RPS6KC1: variants seen among roughly 807,000 people sequenced by gnomAD.
The protein encoded by RPS6KC1 is ribosomal protein S6 kinase C1, also known as inactive ribosomal protein S6 kinase delta-1.
In RPS6KC1, 54 loss-of-function variants were observed where a neutral mutation model predicts 103.8. The observed-to-expected ratio is 0.52, with a 90% CI of 0.42 to 0.65. The LOEUF is 0.65. Among genes scored for constraint, RPS6KC1 ranks in the 30% least tolerant of loss-of-function variants. The pLI is 0.00. For synonymous variants in RPS6KC1, 439 were observed against 438.7 expected, an observed-to-expected ratio of 1.00 and a Z score of -0.01; for missense variants, 1,151 against 1,253.8, an observed-to-expected ratio of 0.92 and a Z score of 1.24.
At chr1:213,411,964 A>G in the RPS6KC1 span, among the ~76,000 whole-genome samples, 319 of 152,312 alleles carry the variant, frequency 2.1e-3, 2 homozygotes, top group Middle Eastern at 6.8e-3. Flanking sequence ...AGCACAGTGT[A>G]TCATATTGGC....
the RPS6KC1 span, among the ~76,000 whole-genome samples, chr1:213,847,361 T>C: frequency 6.6e-6 from 1 of 152,164 alleles, no homozygotes; most frequent in Non-Finnish European, 1.5e-5. Flanking sequence ...TTGTTGGAGA[T>C]AGATCTGTAC....
At chr1:213,367,777 G>T in the RPS6KC1 span, among the ~76,000 whole-genome samples, 2 of 151,714 alleles carry the variant, frequency 1.3e-5, no homozygotes, top group Non-Finnish European at 3.0e-5. Flanking sequence ...GACTCTCTAA[G>T]ATCTTGATTG....
the RPS6KC1 span, among the ~76,000 whole-genome samples, chr1:213,557,413 G>A: frequency 5.2e-4 from 79 of 152,298 alleles, no homozygotes; most frequent in African/African-American, 1.9e-3. Context: ...TGTGTGGACT[G>A]GAGCATCTGC....
chr1:213,461,493 C>T, the RPS6KC1 span, among the ~76,000 whole-genome samples: 1 of 152,132 alleles, frequency 6.6e-6, no homozygotes, highest in African/African-American at 2.4e-5. Flanking sequence ...GCAAAAAGAC[C>T]AAAGCTGGAG....
chr1:213,515,108 C>T, the RPS6KC1 span, among the ~76,000 whole-genome samples: 2 of 150,776 alleles, frequency 1.3e-5, no homozygotes, highest in Non-Finnish European at 2.9e-5. Flanking sequence ...TGTTTGAGTT[C>T]ATTGTAGATT....
chr1:213,699,572 C>T, the RPS6KC1 span, among the ~76,000 whole-genome samples: 4 of 152,036 alleles, frequency 2.6e-5, no homozygotes, highest in Non-Finnish European at 5.9e-5. Flanking sequence ...GGGTATATAC[C>T]CAGCAGTGGG....
chr1:213,507,993 C>A, the RPS6KC1 span, among the ~76,000 whole-genome samples: 55 of 152,312 alleles, frequency 3.6e-4, no homozygotes, highest in African/African-American at 1.3e-3. Context: ...CTGTCAATTG[C>A]TGAAACAATG....
chr1:213,504,553 C>A, the RPS6KC1 span, among the ~76,000 whole-genome samples: 1 of 152,296 alleles, frequency 6.6e-6, no homozygotes, highest in East Asian at 1.9e-4. Flanking sequence ...TTTGCTGGAG[C>A]ACATCCTCAA....
At chr1:213,177,281 C>T (rs986169440) in intron 8 of RPS6KC1, among the ~76,000 whole-genome samples, 8 of 152,108 alleles carry the variant, frequency 5.3e-5, no homozygotes, top group African/African-American at 1.7e-4. Context: ...ATTTGCTCAA[C>T]CACCGCTTTA....
chr1:213,289,776 A>G, the RPS6KC1 span, among the ~76,000 whole-genome samples: 1 of 152,204 alleles, frequency 6.6e-6, no homozygotes, highest in Admixed American at 6.5e-5. Context: ...GCAGTGGCTC[A>G]TGCCTGTAAT....
At chr1:213,639,361 G>A in the RPS6KC1 span, among the ~76,000 whole-genome samples, 19 of 152,008 alleles carry the variant, frequency 1.2e-4, no homozygotes, top group Non-Finnish European at 2.4e-4. Flanking sequence ...CACTGGATAA[G>A]ACTTCCAGTA....
chr1:213,400,633 G>A, the RPS6KC1 span, among the ~76,000 whole-genome samples: 1 of 152,012 alleles, frequency 6.6e-6, no homozygotes, highest in African/African-American at 2.4e-5. Context: ...GAACCCAGGT[G>A]TCCTGACACC....
the RPS6KC1 span, among the ~76,000 whole-genome samples, chr1:213,787,095 A>G: frequency 6.6e-6 from 1 of 152,144 alleles, no homozygotes; most frequent in Non-Finnish European, 1.5e-5. Flanking sequence ...CTAACCTTAT[A>G]ACTTTCATCA....
the RPS6KC1 span, among the ~76,000 whole-genome samples, chr1:213,675,929 C>T: frequency 6.6e-6 from 1 of 152,134 alleles, no homozygotes; most frequent in African/African-American, 2.4e-5. Context: ...TTCTCTAAGG[C>T]CTTTCACTGA....
the RPS6KC1 span, among the ~76,000 whole-genome samples, chr1:213,858,232 T>C: frequency 2.0e-5 from 3 of 152,208 alleles, no homozygotes; most frequent in Non-Finnish European, 4.4e-5. Flanking sequence ...TCCATTGTCA[T>C]AACAACTGTA....
chr1:213,793,471 A>G, the RPS6KC1 span, among the ~76,000 whole-genome samples: 2 of 152,198 alleles, frequency 1.3e-5, no homozygotes, highest in Non-Finnish European at 2.9e-5. Context: ...TAATGAAGCA[A>G]GCCAAGAATA....
chr1:213,641,830 A>C, the RPS6KC1 span, among the ~76,000 whole-genome samples: 1 of 114,574 alleles, frequency 8.7e-6, no homozygotes, highest in Admixed American at 8.5e-5. Context: ...CCCCCTGCAA[A>C]AATAAATAAA....
the RPS6KC1 span, among the ~76,000 whole-genome samples, chr1:213,529,588 C>T: frequency 6.6e-6 from 1 of 152,074 alleles, no homozygotes; most frequent in Non-Finnish European, 1.5e-5. Flanking sequence ...TGATTAAATC[C>T]TGGTATATCT....
At chr1:213,183,483 G>C (rs1263767079) in intron 8 of RPS6KC1, among the ~76,000 whole-genome samples, 1 of 151,766 alleles carries the variant, frequency 6.6e-6, no homozygotes, top group Non-Finnish European at 1.5e-5. Flanking sequence ...TTATTAATCA[G>C]TAACAGAAAG....
Sources: gnomAD v4.1 joint callset for allele counts (sites outside exome capture counted in the v4.1 genomes callset) on GRCh38, gnomAD v4.1.1 for gene constraint, MANE v1.5 for transcripts, NCBI Gene and HGNC (gene_info 2026-07-23, HGNC 2026-07-21) for gene names.